FAT3: variants seen among roughly 807,000 people sequenced by gnomAD.
FAT3 encodes the protein protocadherin Fat 3.
FAT3 carries 95 observed loss-of-function variants against 310.2 expected under a neutral mutation model. That is an observed-to-expected ratio of 0.31 (90% CI 0.26 to 0.36). The LOEUF (loss-of-function observed/expected upper bound fraction) is 0.36. Ranked by LOEUF, FAT3 falls within the 10% of genes least tolerant of loss-of-function variation. The pLI is 1.00. For synonymous variants in FAT3, 2,314 were observed against 2,192.9 expected (o/e 1.06, Z -1.54); for missense variants, 5,408 against 5,715.6 (o/e 0.95, Z 1.74).
intron 4 of FAT3, among the ~76,000 whole-genome samples, chr11:92,752,401 T>C (rs1208993036): frequency 2.0e-5 from 3 of 152,192 alleles, no homozygotes; most frequent in Non-Finnish European, 4.4e-5. Flanking sequence ...AGTTTCCTTA[T>C]TGGTTAAATT....
chr11:92,365,723 C>T (rs1276136303), intron 2 of FAT3, among the ~76,000 whole-genome samples: 1 of 152,166 alleles, frequency 6.6e-6, no homozygotes, highest in African/African-American at 2.4e-5. Context: ...TTGGACAGGA[C>T]CAAGAGGCAT....
intron 1 of FAT3, among the ~76,000 whole-genome samples, chr11:92,237,010 A>C (rs1864452210): frequency 1.4e-5 from 2 of 147,428 alleles, no homozygotes; most frequent in African/African-American, 4.9e-5. Context: ...TTAACTCATG[A>C]GGCCTGCTGG....
rs1410423036 is a variant in FAT3, at chr11:92,890,577, G to C, written c.13234G>C (p.Gly4412Arg). 1 of 1,613,868 alleles carries C rather than the reference G, an allele frequency of 6.2e-7. No homozygotes were observed. The highest frequency in any genetic ancestry group is 8.5e-7 in the Non-Finnish European group (1 of 1,179,876). Reference protein sequence around the residue: ...EVPNYENQDGGSAHQGSTREL... With the variant: ...EVPNYENQDGRSAHQGSTREL... Reference sequence around the variant, plus strand: ...GCCCAACTATGAGAACCAGGATGGAGGGTCTGCACACCAGGGGAGCACACG... The same window carrying C: ...GCCCAACTATGAGAACCAGGATGGACGGTCTGCACACCAGGGGAGCACACG... The change falls in exon 28 of 28, where the codon GGG becomes CGG. Residue 4412 changes from glycine to arginine, a missense_variant. Coordinates refer to ENST00000525166, the MANE Select transcript of FAT3 (RefSeq NM_001367949.2).
chr11:92,407,138 T>A (rs1387358485), intron 2 of FAT3, among the ~76,000 whole-genome samples: 31 of 152,158 alleles, frequency 2.0e-4, no homozygotes, highest in Admixed American at 2.0e-3. Flanking sequence ...TTTTATTAGA[T>A]AGGAAAATTC....
intron 2 of FAT3, among the ~76,000 whole-genome samples, chr11:92,469,624 C>T (rs557082293): frequency 5.3e-5 from 8 of 151,792 alleles, no homozygotes; most frequent in South Asian, 2.1e-4. Context: ...AAATGATTCT[C>T]GTGCCTCAGC....
At chr11:92,240,802 AT>A (rs1864643063) in intron 1 of FAT3, among the ~76,000 whole-genome samples, 1 of 151,924 alleles carries the variant, frequency 6.6e-6, no homozygotes. Flanking sequence ...ACCTGGTCTC[AT>A]TTTTGGAAAT....
intron 3 of FAT3, among the ~76,000 whole-genome samples, chr11:92,652,469 G>T (rs1565488335): frequency 6.6e-6 from 1 of 152,092 alleles, no homozygotes; most frequent in African/African-American, 2.4e-5. Flanking sequence ...GAAAAATCTG[G>T]CCCACATTTT....
chr11:92,724,675 C>T (rs1944952076), intron 4 of FAT3, among the ~76,000 whole-genome samples: 1 of 152,156 alleles, frequency 6.6e-6, no homozygotes, highest in Non-Finnish European at 1.5e-5. Context: ...TCACAGTATT[C>T]ATGTGTATTA....
At position 92,867,173 on chromosome 11, in the gene FAT3, C is replaced by G. The variant is rs756628025; in HGVS notation, c.12091C>G (p.Gln4031Glu). ...CGACGCCTGCAAGCGCAGCCCGTGC[C>G]AGCACGGGGGCAGCTGCACTGGCCT... ...YPDACKRSPC[Q>E]HGGSCTGLPS... The change falls in exon 22 of 28, where the codon CAG (glutamine) becomes GAG (glutamate). Residue 4031 changes from glutamine to glutamate, a missense_variant. By Grantham distance (29) the Gln-to-Glu change is conservative (BLOSUM62 2). This residue lies in a region of FAT3 where 4,588 missense variants were observed against 4,809.8 expected (regional missense o/e 0.95). Coordinates refer to ENST00000525166, the MANE Select transcript of FAT3 (RefSeq NM_001367949.2). 46 of 1,591,692 alleles carry G rather than the reference C, an allele frequency of 2.9e-5. No homozygotes were observed. In the South Asian group the frequency reaches 5.1e-4, roughly 18 times the overall value.
At chr11:92,524,577 A>T in intron 2 of FAT3, 57 bp from the exon 3 acceptor site, 1 of 1,523,402 alleles carries the variant, frequency 6.6e-7, no homozygotes. Flanking sequence ...ATTTGAGATT[A>T]TTTATTTAAT....
chr11:92,433,707 C>T (rs1029231953), intron 2 of FAT3, among the ~76,000 whole-genome samples: 9 of 152,034 alleles, frequency 5.9e-5, no homozygotes, highest in Non-Finnish European at 8.8e-5. Flanking sequence ...CGAAAAGCCA[C>T]TTCTTAAAAA....
intron 1 of FAT3, among the ~76,000 whole-genome samples, chr11:92,348,847 G>T (rs1948484747): frequency 6.6e-6 from 1 of 152,028 alleles, no homozygotes; most frequent in African/African-American, 2.4e-5. Context: ...GCTTTTTGTT[G>T]GGGAATAGGA....
chr11:92,457,357 G>A (rs1256535745), intron 2 of FAT3, among the ~76,000 whole-genome samples: 2 of 152,176 alleles, frequency 1.3e-5, no homozygotes, highest in Non-Finnish European at 2.9e-5. Flanking sequence ...TGCAGGTCTA[G>A]TGTGGTGTGG....
intron 2 of FAT3, among the ~76,000 whole-genome samples, chr11:92,430,667 C>G (rs977317729): frequency 5.3e-5 from 8 of 152,096 alleles, no homozygotes; most frequent in African/African-American, 1.7e-4. Flanking sequence ...CCGCTCCCCC[C>G]ACCCTACAAC....
intron 22 of FAT3, among the ~76,000 whole-genome samples, chr11:92,868,526 A>G (rs1384039582): frequency 2.6e-5 from 4 of 152,184 alleles, no homozygotes; most frequent in African/African-American, 9.6e-5. Flanking sequence ...CTAGTTTTTC[A>G]CCAGGCAAAA....
Position 92,354,590 on chromosome 11 carries a change from C to A in FAT3, c.2478C>A (p.Asp826Glu). 1 of 1,613,760 alleles carries A rather than the reference C, an allele frequency of 6.2e-7. No individual in the cohort carries two copies. The highest frequency in any genetic ancestry group is 8.5e-7 in the Non-Finnish European group (1 of 1,179,828). The part of the protein sequence containing the change: ...LLTINVEDAN[D>E]NSPVFIQDSY... ...CCATCAATGTGGAGGATGCTAATGA[C>A]AATAGCCCAGTTTTTATTCAAGACA... The change falls in exon 2 of 28, where the codon GAC becomes GAA. Residue 826 changes from aspartate to glutamate, a missense_variant. Asp to Glu is a conservative substitution (Grantham distance 45). Coordinates refer to ENST00000525166, the MANE Select transcript of FAT3 (RefSeq NM_001367949.2).
At chr11:92,362,528 A>T (rs1471584623) in intron 2 of FAT3, among the ~76,000 whole-genome samples, 4 of 151,844 alleles carry the variant, frequency 2.6e-5, no homozygotes, top group Admixed American at 2.6e-4. Flanking sequence ...CATCCCTTTG[A>T]CTCTTTCTAC....
chr11:92,489,044 GGTGA>G lies in FAT3; in HGVS notation c.3293-35587_3293-35584del, dbSNP rs1263548340. On this transcript the variant is annotated intron_variant, in intron 2 of 27. Coordinates refer to ENST00000525166, the MANE Select transcript of FAT3 (RefSeq NM_001367949.2). ...AAGGTAAGTGCATAGTACTATGCCT[GGTGA>G]GTAAGTTCTCAGTAAATGGTGTTGG... Among the ~76,000 whole-genome samples the G allele has an allele frequency of 2.0e-5, 3 of 152,182 alleles. No individual in the cohort carries two copies. In the East Asian group the frequency reaches 5.8e-4, roughly 30 times the overall value.
At chr11:92,252,507 C>T (rs981455637) in intron 1 of FAT3, among the ~76,000 whole-genome samples, 3 of 152,064 alleles carry the variant, frequency 2.0e-5, no homozygotes, top group Admixed American at 1.3e-4. Flanking sequence ...CCTATGCTTA[C>T]GGTTCTTTGA....
Sources: allele counts gnomAD v4.1 joint callset (sites outside exome capture counted in the v4.1 genomes callset), GRCh38; gene constraint gnomAD v4.1.1; regional missense constraint gnomAD v4.1.1; transcripts MANE v1.5; gene names NCBI Gene and HGNC (gene_info 2026-07-23, HGNC 2026-07-21).